Variants in ATF7 observed in about 807,000 individuals in gnomAD.
ATF7 encodes the protein cyclic AMP-dependent transcription factor ATF-7.
A neutral mutation model predicts 50.4 loss-of-function variants in ATF7; 10 were observed. That is an observed-to-expected ratio of 0.20 (90% confidence interval 0.12 to 0.34). The LOEUF (loss-of-function observed/expected upper bound fraction) is 0.34, where lower values mean the gene tolerates loss of function less well. ATF7 is among the 10% of genes least tolerant of loss of function. ATF7 has a pLI of 1.00. For missense variants in ATF7, 465 were observed against 613.9 expected (o/e 0.76, Z 2.56); for synonymous variants, 201 against 226.4 (o/e 0.89, Z 1.01).
chr12:53,620,493 G>A (rs1325090207), intron 1 of ATF7, among the ~76,000 whole-genome samples: 17 of 147,508 alleles, frequency 1.2e-4, no homozygotes, highest in Admixed American at 1.2e-3. Context: ...GGAGAATGGC[G>A]TGAACCCGGG....
chr12:53,604,800 ATCAT>A (rs1352741757), intron 1 of ATF7, among the ~76,000 whole-genome samples: 1 of 152,222 alleles, frequency 6.6e-6, no homozygotes, highest in African/African-American at 2.4e-5. Flanking sequence ...AAGATTAGCT[ATCAT>A]TCATTCATTC....
intron 2 of ATF7, among the ~76,000 whole-genome samples, chr12:53,600,399 C>T (rs934127972): frequency 2.6e-5 from 4 of 151,064 alleles, no homozygotes; most frequent in Middle Eastern, 6.8e-3. Flanking sequence ...GGAGTGCAGT[C>T]GCACAATTTC....
rs12313445 is a variant in ATF7, at chr12:53,581,930, C to T, written c.48+19023G>A. Among the ~76,000 whole-genome samples, 6,474 of 151,692 alleles carry T rather than the reference C, an allele frequency of 0.043. 964 individuals carry two copies. The East Asian group carries it at 0.56, about 13-fold the overall frequency. On this transcript the variant is annotated intron_variant, in intron 2 of 11. Coordinates refer to ENST00000420353, the MANE Select transcript of ATF7 (RefSeq NM_006856.3). ...TTGAAGCCAGGAGTTTGAGACCAGC[C>T]TGGTCAACACTGCAAGACCATGTCT...
At chr12:53,564,470 A>G (rs1417751055) in intron 2 of ATF7, among the ~76,000 whole-genome samples, 1 of 152,154 alleles carries the variant, frequency 6.6e-6, no homozygotes, top group East Asian at 1.9e-4. Flanking sequence ...TCCCCAAACC[A>G]CTAGTGGTAA....
At chr12:53,579,959 G>A (rs1017579213) in intron 2 of ATF7, among the ~76,000 whole-genome samples, 45 of 151,252 alleles carry the variant, frequency 3.0e-4, no homozygotes, top group African/African-American at 1.1e-3. Context: ...TTTTTGAGAC[G>A]GAGTCTCACT....
At chr12:53,552,684 C>A (rs749205887) in intron 2 of ATF7, 47 bp from the exon 3 acceptor site, 5 of 1,433,450 alleles carry the variant, frequency 3.5e-6, no homozygotes, top group Non-Finnish European at 4.9e-6. Flanking sequence ...AAACAAAAAC[C>A]CGATTCGGTG....
chr12:53,602,541 TG>T (rs1943446068), intron 1 of ATF7, among the ~76,000 whole-genome samples: 1 of 152,214 alleles, frequency 6.6e-6, no homozygotes, highest in Non-Finnish European at 1.5e-5. Context: ...AGGGGTTTCT[TG>T]GTCATCTTTC....
chr12:53,557,589 G>C (rs1940831270), intron 2 of ATF7, among the ~76,000 whole-genome samples: 1 of 152,174 alleles, frequency 6.6e-6, no homozygotes, highest in African/African-American at 2.4e-5. Context: ...CACTCACTCA[G>C]GGAACACACT....
At chr12:53,546,776 GAGAC>G (rs1355651939) in intron 3 of ATF7, among the ~76,000 whole-genome samples, 16 of 146,652 alleles carry the variant, frequency 1.1e-4, no homozygotes, top group Non-Finnish European at 2.4e-4. Context: ...TTCTTTTTTT[GAGAC>G]AAGATCTCAC....
intron 9 of ATF7, among the ~76,000 whole-genome samples, chr12:53,528,971 G>T (rs1233060941): frequency 2.0e-5 from 3 of 151,672 alleles, no homozygotes; most frequent in Non-Finnish European, 2.9e-5. Flanking sequence ...TGGGCATGGT[G>T]GCTAGGGCCT....
chr12:53,566,402 G>A (rs1158542862), intron 2 of ATF7, among the ~76,000 whole-genome samples: 1 of 152,152 alleles, frequency 6.6e-6, no homozygotes, highest in Non-Finnish European at 1.5e-5. Flanking sequence ...AGGCTGAAAA[G>A]CAAGATATTC....
intron 2 of ATF7, among the ~76,000 whole-genome samples, chr12:53,587,843 A>ATATTTTT: frequency 1.6e-4 from 10 of 61,570 alleles, no homozygotes; most frequent in South Asian, 7.4e-4. Flanking sequence ...ATATATATAT[A>ATATTTTT]TTTTTTTTTT....
intron 1 of ATF7, among the ~76,000 whole-genome samples, chr12:53,601,603 C>T (rs1592966751): frequency 6.6e-6 from 1 of 152,100 alleles, no homozygotes; most frequent in South Asian, 2.1e-4. Flanking sequence ...AAATAAAAAC[C>T]GGGAGCCTCC....
chr12:53,552,785 G>C (rs1592853074), intron 2 of ATF7, 148 bp from the exon 3 acceptor site: 1 of 654,002 alleles, frequency 1.5e-6, no homozygotes, highest in African/African-American at 1.8e-5. Context: ...AAGAGGAGAA[G>C]AGATGGAGAA....
intron 3 of ATF7, among the ~76,000 whole-genome samples, chr12:53,552,148 A>G (rs576734527): frequency 6.6e-6 from 1 of 152,318 alleles, no homozygotes; most frequent in East Asian, 1.9e-4. Context: ...AGTGGAAGAG[A>G]AGCAACCAGG....
Position 53,626,280 on chromosome 12 carries a change from G to A in ATF7, c.-23C>T, listed in dbSNP as rs537552285. 1.3e-5 allele frequency: 2 copies of A among 152,994 alleles called. No individual in the cohort carries two copies. The highest frequency in any genetic ancestry group is 6.5e-5 in the Admixed American group (1 of 15,298). 9.5% of individuals were successfully genotyped at this position (152,994 alleles called of 1,614,324 possible). Reference sequence around the variant, plus strand: ...CTAGCTAATGTTAAAAGGACTTACCGGCTGGTAGCTCCGTTGCCTCCCGCC... The same window carrying A: ...CTAGCTAATGTTAAAAGGACTTACCAGCTGGTAGCTCCGTTGCCTCCCGCC... On this transcript the variant is annotated splice_region_variant and 5_prime_UTR_variant, in exon 1 of 12. Transcript: ENST00000420353.
intron 4 of ATF7, among the ~76,000 whole-genome samples, chr12:53,539,283 T>TA (rs1939397117): frequency 6.6e-6 from 1 of 152,202 alleles, no homozygotes; most frequent in Non-Finnish European, 1.5e-5. Flanking sequence ...AAATTGGGTA[T>TA]AAAATCCCTC....
Position 53,533,211 on chromosome 12 carries a change from C to A in ATF7, c.609G>T (p.Gln203His). 1.2e-6 allele frequency: 2 copies of A among 1,613,926 alleles called. No homozygotes were observed. Among genetic ancestry groups the A allele is most frequent in the South Asian group, 2.2e-5 (2 of 91,066 alleles). Reference sequence around the variant, plus strand: ...GAGGCCCTGGCAACACAGGCATGGTCTGTCCATTAGCAAGATGCATGACAA... The same window carrying A: ...GAGGCCCTGGCAACACAGGCATGGTATGTCCATTAGCAAGATGCATGACAA... Reference protein sequence around the residue: ...LPLVMHLANGQTMPVLPGPPV... With the variant: ...LPLVMHLANGHTMPVLPGPPV... Residue 203 changes from glutamine to histidine, a missense_variant, in exon 7 of 12, where the codon CAG (glutamine) becomes CAT (histidine). By Grantham distance (24) the Gln-to-His change is conservative (BLOSUM62 0). Transcript: ENST00000420353.
At chr12:53,525,210 G>A (rs138525686) in intron 9 of ATF7, among the ~76,000 whole-genome samples, 10 of 152,262 alleles carry the variant, frequency 6.6e-5, no homozygotes, top group Non-Finnish European at 1.3e-4. Flanking sequence ...AAAATTAGCC[G>A]GGTATGGTGG....
Sources: allele counts gnomAD v4.1 joint callset (sites outside exome capture counted in the v4.1 genomes callset), GRCh38; gene constraint gnomAD v4.1.1; transcripts MANE v1.5; gene names NCBI Gene and HGNC (gene_info 2026-07-23, HGNC 2026-07-21).